The following DMD variants were observed in gnomAD, a reference collection of about 807,000 sequenced individuals.
DMD encodes mutant dystrophin.
DMD carries 63 observed loss-of-function variants against 330.1 expected under a neutral mutation model. The observed-to-expected ratio is 0.19, with a 90% CI of 0.16 to 0.24. The LOEUF (loss-of-function observed/expected upper bound fraction) is 0.24, where lower values mean the gene tolerates loss of function less well. DMD is among the 10% of genes least tolerant of loss of function. The probability of loss-of-function intolerance (pLI) is 1.00; values close to 1 mark genes in which losing one functional copy is unlikely to be tolerated. For missense variants in DMD, 3,344 were observed against 2,684.1 expected (o/e 1.25, Z -5.43); for synonymous variants, 1,223 against 959.8 (o/e 1.27, Z -5.07).
At chrX:33,185,105 C>T (rs1282656047) in intron 1 of DMD, among the ~76,000 whole-genome samples, 1 of 110,536 alleles carries the variant, frequency 9.0e-6, no homozygotes, top group Admixed American at 9.8e-5. Context: ...TGAATGAGTG[C>T]ACCATTTGCC....
chrX:32,572,913 T>C (rs1603636708), intron 15 of DMD, among the ~76,000 whole-genome samples: 1 of 110,953 alleles, frequency 9.0e-6, no homozygotes. Context: ...TAAAAGAGTC[T>C]GGGACCTTCC....
At chrX:32,773,605 A>C (rs187392528) in intron 7 of DMD, among the ~76,000 whole-genome samples, 1 of 104,165 alleles carries the variant, frequency 9.6e-6, no homozygotes, top group East Asian at 3.0e-4. Context: ...CCATCATCCC[A>C]CTCTCTATCT....
intron 56 of DMD, among the ~76,000 whole-genome samples, chrX:31,498,384 A>C (rs1352993343): frequency 8.9e-6 from 1 of 111,974 alleles, no homozygotes; most frequent in Non-Finnish European, 1.9e-5. Flanking sequence ...TATGAATTTA[A>C]TTAAATAGCT....
chrX:32,852,889 G>A (rs2081251434), intron 2 of DMD, among the ~76,000 whole-genome samples: 1 of 110,780 alleles, frequency 9.0e-6, no homozygotes, highest in South Asian at 3.9e-4. Flanking sequence ...GAGAGCACCA[G>A]ATAGATTCAT....
In DMD at chrX:31,774,170, C is replaced by T. The variant is rs1379402064; in HGVS notation, c.7332G>A (p.Leu2444=). The T allele has an allele frequency of 1.7e-6, 2 of 1,207,449 alleles. 1 individual carries two copies. Among genetic ancestry groups the T allele is most frequent in the South Asian group, 3.5e-5 (2 of 56,758 alleles). The part of the protein sequence containing the change: ...IGASPTQTVT[L]VTQPVVTKET... ...CCTTAGTAACCACAGGTTGTGTCAC[C>T]AGAGTAACAGTCTGAGTAGGAGCTA... The change falls in exon 51 of 79, where the codon CTG becomes CTA. Residue 2444 remains leucine (L), a synonymous_variant. Transcript: ENST00000357033.
At chrX:32,862,910 T>A (rs1225934228) in intron 2 of DMD, among the ~76,000 whole-genome samples, 1 of 110,511 alleles carries the variant, frequency 9.0e-6, no homozygotes, top group African/African-American at 3.3e-5. Context: ...CTAATTTTTT[T>A]ATATTTTTAG....
chrX:32,627,174 C>T (rs2058407737), intron 11 of DMD, among the ~76,000 whole-genome samples: 1 of 73,548 alleles, frequency 1.4e-5, no homozygotes, highest in Admixed American at 1.8e-4. Flanking sequence ...CAGGACACAG[C>T]CATAATTTTT....
intron 51 of DMD, among the ~76,000 whole-genome samples, chrX:31,743,435 G>T (rs759185000): frequency 8.9e-6 from 1 of 112,600 alleles, no homozygotes; most frequent in Admixed American, 9.4e-5. Context: ...GCAAAGGTAT[G>T]AAGTCAGCCT....
At chrX:33,009,846 A>G (rs762467178) in intron 2 of DMD, among the ~76,000 whole-genome samples, 30 of 43,400 alleles carry the variant, frequency 6.9e-4, no homozygotes, top group Non-Finnish European at 1.1e-3. Flanking sequence ...ATGTGTATAT[A>G]CACACATATG....
intron 5 of DMD, among the ~76,000 whole-genome samples, chrX:32,819,268 G>A (rs952134982): frequency 9.0e-6 from 1 of 110,863 alleles, no homozygotes; most frequent in Admixed American, 9.6e-5. Context: ...CAGTGCGAAC[G>A]TCATCATTCT....
intron 56 of DMD, among the ~76,000 whole-genome samples, chrX:31,501,508 A>C (rs750217348): frequency 5.4e-5 from 6 of 112,085 alleles, no homozygotes; most frequent in Non-Finnish European, 1.1e-4. Flanking sequence ...GCAAGTGCTA[A>C]TCTCTAAAAA....
intron 1 of DMD, among the ~76,000 whole-genome samples, chrX:33,088,709 C>A (rs938927934): frequency 7.2e-5 from 8 of 111,091 alleles, no homozygotes; most frequent in Non-Finnish European, 1.3e-4. Context: ...ATATTAATTA[C>A]CAGATGACAT....
chrX:32,760,857 T>C (rs1200106253), intron 7 of DMD, among the ~76,000 whole-genome samples: 1 of 111,747 alleles, frequency 8.9e-6, no homozygotes, highest in Non-Finnish European at 1.9e-5. Context: ...TAGCTTTTTG[T>C]ACCTCACATA....
At chrX:32,284,668 CAGA>C (rs1401751764) in intron 43 of DMD, among the ~76,000 whole-genome samples, 2 of 111,915 alleles carry the variant, frequency 1.8e-5, no homozygotes, top group African/African-American at 3.2e-5. Flanking sequence ...ATGTATGGAG[CAGA>C]AGATTTAAGA....
Position 32,628,602 on chromosome X carries a change from G to A in DMD, c.1332-14149C>T, listed in dbSNP as rs1011671720. ...TCCTTCTTTTCTAGCTCTTTAAGGT[G>A]TATCATTCAATTATTTGAAAGTTCT... On this transcript the variant is annotated intron_variant, in intron 11 of 78. Transcript: ENST00000357033. 6.4e-5 allele frequency among the ~76,000 whole-genome samples: 7 copies of A among 109,935 alleles called. No homozygotes were observed. In the Admixed American group the frequency reaches 6.8e-4, roughly 11 times the overall value.
At chrX:32,192,453 C>G (rs1424259470) in intron 44 of DMD, among the ~76,000 whole-genome samples, 1 of 111,798 alleles carries the variant, frequency 8.9e-6, no homozygotes, top group African/African-American at 3.3e-5. Flanking sequence ...ACCCCCAACT[C>G]AATTCAGACT....
At chrX:32,430,064 C>A (rs187337203) in intron 29 of DMD, among the ~76,000 whole-genome samples, 1 of 110,959 alleles carries the variant, frequency 9.0e-6, no homozygotes, top group African/African-American at 3.3e-5. Flanking sequence ...CTCTGAAGAA[C>A]TAATTTTGTT....
In DMD at chrX:31,874,183, G is replaced by A. The variant is rs2093933888; in HGVS notation, c.7098+1005C>T. On this transcript the variant is annotated intron_variant, in intron 48 of 78. Transcript: ENST00000357033. ...ACTTTGAATTCATTCTTAAAGAATGGAAGAAAATTCATTATATCAAAATAA... is the reference window on the plus strand; with the variant it reads ...ACTTTGAATTCATTCTTAAAGAATGAAAGAAAATTCATTATATCAAAATAA... Among the ~76,000 whole-genome samples, 3 of 111,329 alleles carry A rather than the reference G, an allele frequency of 2.7e-5. No individual in the cohort carries two copies. In the Admixed American group the frequency reaches 2.9e-4, roughly 11 times the overall value.
chrX:32,045,325 A>T (rs2096055569), intron 44 of DMD, among the ~76,000 whole-genome samples: 1 of 101,567 alleles, frequency 9.8e-6, no homozygotes. Flanking sequence ...ATAGCAGCTG[A>T]GTTCTTGAGC....
Sources: gnomAD v4.1 joint callset for allele counts (sites outside exome capture counted in the v4.1 genomes callset) on GRCh38, gnomAD v4.1.1 for gene constraint, MANE v1.5 for transcripts, NCBI Gene and HGNC (gene_info 2026-07-23, HGNC 2026-07-21) for gene names.